The following GJD2 variants were observed in gnomAD, a reference collection of about 807,000 sequenced individuals.
GJD2 encodes gap junction delta-2 protein.
A neutral mutation model predicts 24.3 loss-of-function variants in GJD2; 12 were observed. The observed-to-expected ratio is 0.49, with a 90% CI of 0.32 to 0.80. The LOEUF is 0.80. Ranked by LOEUF, GJD2 falls within the 30% of genes least tolerant of loss-of-function variation. The pLI, the probability that GJD2 is intolerant of heterozygous loss-of-function variation, is 0.04. For synonymous variants in GJD2, 171 were observed against 155.2 expected (o/e 1.10, Z -0.76); for missense variants, 268 against 402.4 (o/e 0.67, Z 2.86).
In GJD2 at chr15:34,753,291, G is replaced by A. The variant is rs1891137713; in HGVS notation, c.153C>T (p.Thr51=). 3 of 1,613,710 alleles carry A rather than the reference G, an allele frequency of 1.9e-6. No individual in the cohort carries two copies. The highest frequency in any genetic ancestry group is 1.1e-5 in the South Asian group (1 of 91,078). The change falls in exon 2 of 2, where the codon ACC becomes ACT. Residue 51 remains threonine (T), a synonymous_variant. Transcript: ENST00000290374. The part of the protein sequence containing the change: ...VGETVYDDEQ[T]MFVCNTLQPG... ...GCTGCAGGGTGTTGCACACAAACAT[G>A]GTCTGCTCATCATCGTACACCGTCT...
chr15:34,754,495 G>A lies in GJD2; in HGVS notation c.-7C>T. The A allele has an allele frequency of 6.2e-7, 1 of 1,612,252 alleles. No individual in the cohort carries two copies. The highest frequency in any genetic ancestry group is 8.5e-7 in the Non-Finnish European group (1 of 1,178,284). On this transcript the variant is annotated 5_prime_UTR_variant, in exon 1 of 2. Transcript: ENST00000290374. This position sits in a 1 kb window ranked among gnomAD's most constrained non-coding sequence, Gnocchi z 5.9. ...AGATGGTCCATTCCCCCATCGCTGTGCATCCGGAGGCAGCAGACAAAGACT... is the reference window on the plus strand; with the variant it reads ...AGATGGTCCATTCCCCCATCGCTGTACATCCGGAGGCAGCAGACAAAGACT...
chr15:34,754,408 G>A lies in GJD2; in HGVS notation c.71+10C>T, dbSNP rs981021833. On this transcript the variant is annotated intron_variant, in intron 1 of 1. Transcript: ENST00000290374. The surrounding 1 kb of genome is among the most constrained non-coding windows in gnomAD (Gnocchi z 5.9). The stretch of plus-strand genomic sequence containing the variant: ...ACGGGGCCCCCTGACCGCCGGCTTG[G>A]CGCCCTTACCTCCCGATCATAGTGG... 3.1e-6 allele frequency: 5 copies of A among 1,612,114 alleles called. No homozygotes were observed. The highest frequency in any genetic ancestry group is 4.2e-6 in the Non-Finnish European group (5 of 1,178,470).
At position 34,752,674 on chromosome 15, in the gene GJD2, A is replaced by G; in HGVS notation, c.770T>C (p.Met257Thr). The G allele has an allele frequency of 1.2e-6, 2 of 1,614,234 alleles. No individual in the cohort carries two copies. The highest frequency in any genetic ancestry group is 1.7e-6 in the Non-Finnish European group (2 of 1,180,038). The change falls in exon 2 of 2, where the codon ATG (methionine) becomes ACG (threonine). Residue 257 changes from methionine to threonine, a missense_variant. Around this residue, in one of 3 missense-constraint regions of GJD2, gnomAD observed 115 missense variants for 195.2 expected, o/e 0.59. Transcript: ENST00000290374. ...AACACAGATGCCACTTACAGCAAAC[A>G]TGAACACTAGAAAGACAGTCTTCTC... is the stretch of plus-strand genomic sequence containing the variant. Reference protein sequence around the residue: ...PTEKTVFLVFMFAVSGICVVL... With the variant: ...PTEKTVFLVFTFAVSGICVVL...
rs1178484995 is a variant in GJD2, at chr15:34,754,758, G to A, written c.-270C>T. 5.4e-6 allele frequency: 2 copies of A among 371,386 alleles called. No individual in the cohort carries two copies. Among genetic ancestry groups the A allele is most frequent in the Non-Finnish European group, 4.9e-6 (1 of 204,506 alleles). 23.0% of individuals were successfully genotyped at this position (371,386 alleles called of 1,614,324 possible). A position where few individuals can be genotyped will look rare whatever the true frequency, so the allele number is the denominator to read the frequency against. Reference sequence around the variant, plus strand: ...AACCTCGGGCGCCGTCCGGGGTTCGGGTCTGGATCCCGCGGACGCCGGGAC... The same window carrying A: ...AACCTCGGGCGCCGTCCGGGGTTCGAGTCTGGATCCCGCGGACGCCGGGAC... On this transcript the variant is annotated 5_prime_UTR_variant, in exon 1 of 2. Transcript: ENST00000290374. This position sits in a 1 kb window ranked among gnomAD's most constrained non-coding sequence, Gnocchi z 5.9.
chr15:34,754,390 C>A lies in GJD2; in HGVS notation c.71+28G>T. ...ACTCCCGGGGGCCGCCCGACGGGGCCCCCTGACCGCCGGCTTGGCGCCCTT... is the reference window on the plus strand; with the variant it reads ...ACTCCCGGGGGCCGCCCGACGGGGCACCCTGACCGCCGGCTTGGCGCCCTT... On this transcript the variant is annotated intron_variant, in intron 1 of 1. Transcript: ENST00000290374. The surrounding 1 kb of genome is among the most constrained non-coding windows in gnomAD (Gnocchi z 5.9). 6.3e-7 allele frequency: 1 copy of A among 1,595,544 alleles called. No individual in the cohort carries two copies. The highest frequency in any genetic ancestry group is 8.6e-7 in the Non-Finnish European group (1 of 1,163,850).
At position 34,752,101 on chromosome 15, in the gene GJD2, A is replaced by G. The variant is rs79846152; in HGVS notation, c.*377T>C. The G allele has an allele frequency of 3.2e-3, 683 of 215,434 alleles. 2 individuals carry two copies. The highest frequency in any genetic ancestry group is 4.3e-3 in the Non-Finnish European group (456 of 106,612). 13.3% of individuals were successfully genotyped at this position (215,434 alleles called of 1,614,324 possible). A position where few individuals can be genotyped will look rare whatever the true frequency, so the allele number is the denominator to read the frequency against. On this transcript the variant is annotated 3_prime_UTR_variant, in exon 2 of 2. Coordinates refer to ENST00000290374, the MANE Select transcript of GJD2 (RefSeq NM_020660.3). ...AAGGGATGGGTTGAGATAGGTCACA[A>G]ATTTTATATCAATGAAGTACTCAAC...
rs1891116126 is a variant in GJD2 at position 34,752,404 on chromosome 15, A to G, written c.*74T>C. The stretch of plus-strand genomic sequence containing the variant: ...GTGAGGGTCACATAAATGAGGGTGG[A>G]TACAGCCACGTCTGAGCAGTCATCT... On this transcript the variant is annotated 3_prime_UTR_variant, in exon 2 of 2. Transcript: ENST00000290374. The G allele has an allele frequency of 1.6e-6, 2 of 1,232,166 alleles. No individual in the cohort carries two copies. Among genetic ancestry groups the G allele is most frequent in the African/African-American group, 3.0e-5 (2 of 67,462 alleles). 76.3% of individuals were successfully genotyped at this position (1,232,166 alleles called of 1,614,324 possible).
At chr15:34,753,629 T>G (rs369185411) in intron 1 of GJD2, among the ~76,000 whole-genome samples, 9 of 152,098 alleles carry the variant, frequency 5.9e-5, no homozygotes, top group East Asian at 1.9e-4. Flanking sequence ...ATAGTCTACT[T>G]GCAACAGATA....
rs1354116514 is a variant in GJD2, at chr15:34,753,050, C to T, written c.394G>A (p.Gly132Ser). ...CGTTTGCCCCCACCACTGCCCCCACCCCCAGTTCCTCCAGGACCTCCTATG... is the reference window on the plus strand; with the variant it reads ...CGTTTGCCCCCACCACTGCCCCCACTCCCAGTTCCTCCAGGACCTCCTATG... ...ESIGGPGGTG[G>S]GGSGGGKRED... Residue 132 changes from glycine (G) to serine (S), a missense_variant, in exon 2 of 2, where the codon GGT becomes AGT. Coordinates refer to ENST00000290374, the MANE Select transcript of GJD2 (RefSeq NM_020660.3). The T allele has an allele frequency of 1.2e-6, 2 of 1,614,026 alleles. No individual in the cohort carries two copies. Among genetic ancestry groups the T allele is most frequent in the South Asian group, 2.2e-5 (2 of 91,076 alleles).
chr15:34,752,723 C>G lies in GJD2; in HGVS notation c.721G>C (p.Glu241Gln), dbSNP rs1378331491. ...TCAGTTGGCCGGGACACATAACATTCCACCTCCTTGATGCAGGGGTAGCGG... is the reference window on the plus strand; with the variant it reads ...TCAGTTGGCCGGGACACATAACATTGCACCTCCTTGATGCAGGGGTAGCGG... Reference protein sequence around the residue: ...CNRYPCIKEVECYVSRPTEKT... With the variant: ...CNRYPCIKEVQCYVSRPTEKT... Residue 241 changes from glutamate (E) to glutamine (Q), a missense_variant, in exon 2 of 2, where the codon GAA becomes CAA. Transcript: ENST00000290374. 6.2e-7 allele frequency: 1 copy of G among 1,614,060 alleles called. No individual in the cohort carries two copies. The highest frequency in any genetic ancestry group is 2.2e-5 in the East Asian group (1 of 44,898).
chr15:34,753,399 A>T, intron 1 of GJD2, 27 bp from the exon 2 acceptor site: 1 of 1,564,296 alleles, frequency 6.4e-7, no homozygotes, highest in Non-Finnish European at 8.7e-7. Flanking sequence ...GGAGGGAGAG[A>T]GGTTCTCACG....
chr15:34,753,222 G>C lies in GJD2; in HGVS notation c.222C>G (p.Ser74=). ...TCTGGAAGACCCAGTAACGTATGTG[G>C]GAGATGGGGAAGGCGCGGTCATAGC... is the stretch of plus-strand genomic sequence containing the variant. ...QACYDRAFPI[S]HIRYWVFQII... Residue 74 remains serine (S), a synonymous_variant, in exon 2 of 2, where the codon TCC becomes TCG. Transcript: ENST00000290374. The C allele has an allele frequency of 6.2e-7, 1 of 1,614,168 alleles. No homozygotes were observed.
chr15:34,754,141 AGCCAGCG>A lies in GJD2; in HGVS notation c.71+270_71+276del, dbSNP rs1891151570. 6.6e-6 allele frequency among the ~76,000 whole-genome samples: 1 copy of A among 152,146 alleles called. No individual in the cohort carries two copies. Among genetic ancestry groups the A allele is most frequent in the African/African-American group, 2.4e-5 (1 of 41,440 alleles). The stretch of plus-strand genomic sequence containing the variant: ...CTGGAGAGTGGAGGGACCAAGACTG[AGCCAGCG>A]GCTCCTTTTCTGATGTGGGAAGAGT... On this transcript the variant is annotated intron_variant, in intron 1 of 1. Coordinates refer to ENST00000290374, the MANE Select transcript of GJD2 (RefSeq NM_020660.3). This position sits in a 1 kb window ranked among gnomAD's most constrained non-coding sequence, Gnocchi z 5.9.
In GJD2 at chr15:34,753,321, C is replaced by G. The variant is rs374903251; in HGVS notation, c.123G>C (p.Val41=). 20 of 1,611,100 alleles carry G rather than the reference C, an allele frequency of 1.2e-5. No individual in the cohort carries two copies. The highest frequency in any genetic ancestry group is 1.1e-4 in the African/African-American group (8 of 74,888). ...VIFRILIVAI[V]GETVYDDEQT... is the part of the protein sequence containing the mutation. ...GCTCATCATCGTACACCGTCTCCCC[C>G]ACAATGGCCACAATGAGGATCCGGA... Residue 41 remains valine (V), a synonymous_variant, in exon 2 of 2, where the codon GTG becomes GTC. Transcript: ENST00000290374.
In GJD2 at chr15:34,754,522, G is replaced by C; in HGVS notation, c.-34C>G. ...ATCCGGAGGCAGCAGACAAAGACTG[G>C]GCAGCACCGGGCACGTTCCCGCTCC... is the stretch of plus-strand genomic sequence containing the variant. On this transcript the variant is annotated 5_prime_UTR_variant, in exon 1 of 2. Coordinates refer to ENST00000290374, the MANE Select transcript of GJD2 (RefSeq NM_020660.3). The surrounding 1 kb of genome is among the most constrained non-coding windows in gnomAD (Gnocchi z 5.9). The C allele has an allele frequency of 6.4e-7, 1 of 1,556,182 alleles. No individual in the cohort carries two copies. Among genetic ancestry groups the C allele is most frequent in the Non-Finnish European group, 8.9e-7 (1 of 1,127,344 alleles).
In GJD2 at chr15:34,752,820, G is replaced by A. The variant is rs1438860285; in HGVS notation, c.624C>T (p.Ala208=). Residue 208 remains alanine, a synonymous_variant, in exon 2 of 2, where the codon GCC becomes GCT. Transcript: ENST00000290374. The part of the protein sequence containing the change: ...FYIIQVVFRN[A]LEIGFLVGQY... ...GGCCAACCAGGAACCCAATTTCCAG[G>A]GCATTTCGGAACACCACTTGGATAA... is the stretch of plus-strand genomic sequence containing the variant. The A allele has an allele frequency of 6.2e-7, 1 of 1,614,094 alleles. No homozygotes were observed. The highest frequency in any genetic ancestry group is 8.5e-7 in the Non-Finnish European group (1 of 1,180,002).
rs899699311 is a variant in GJD2 at position 34,754,336 on chromosome 15, C to G, written c.71+82G>C. 3 of 935,420 alleles carry G rather than the reference C, an allele frequency of 3.2e-6. No homozygotes were observed. In the African/African-American group the frequency reaches 4.9e-5, roughly 15 times the overall value. 57.9% of individuals were successfully genotyped at this position (935,420 alleles called of 1,614,324 possible). A position where few individuals can be genotyped will look rare whatever the true frequency, so the allele number is the denominator to read the frequency against. ...GCAGAGGACGGACTGGGGATTGGAGCGGGAGACTCAGTCCAGGTGTGAGAA... is the reference window on the plus strand; with the variant it reads ...GCAGAGGACGGACTGGGGATTGGAGGGGGAGACTCAGTCCAGGTGTGAGAA... On this transcript the variant is annotated intron_variant, in intron 1 of 1. Transcript: ENST00000290374. This position sits in a 1 kb window ranked among gnomAD's most constrained non-coding sequence, Gnocchi z 5.9.
chr15:34,754,571 C>T lies in GJD2; in HGVS notation c.-83G>A. The T allele has an allele frequency of 2.7e-6, 3 of 1,110,894 alleles. No homozygotes were observed. The highest frequency in any genetic ancestry group is 4.1e-6 in the Non-Finnish European group (3 of 725,318). 68.8% of individuals were successfully genotyped at this position (1,110,894 alleles called of 1,614,324 possible). On this transcript the variant is annotated 5_prime_UTR_variant, in exon 1 of 2. Coordinates refer to ENST00000290374, the MANE Select transcript of GJD2 (RefSeq NM_020660.3). The surrounding 1 kb of genome is among the most constrained non-coding windows in gnomAD (Gnocchi z 5.9). ...CCTGGCCCCTCCCCGGGCCGCACTTCCAGAATGGGAGTGAATTGCCTCCCA... is the reference window on the plus strand; with the variant it reads ...CCTGGCCCCTCCCCGGGCCGCACTTTCAGAATGGGAGTGAATTGCCTCCCA...
In GJD2 at chr15:34,751,599, C is replaced by A. The variant is rs1398410165; in HGVS notation, c.*879G>T. 7.9e-5 allele frequency: 12 copies of A among 151,618 alleles called. No individual in the cohort carries two copies. The highest frequency in any genetic ancestry group is 2.9e-4 in the African/African-American group (12 of 41,342). The allele number at this position is 151,618 out of a possible 1,614,324, so 9.4% of individuals were successfully genotyped here. ...TCAGCTAGACACTCTTGATATTAGC[C>A]AAAAAAAATCTTTTTAATGTTAACC... On this transcript the variant is annotated 3_prime_UTR_variant, in exon 2 of 2. Coordinates refer to ENST00000290374, the MANE Select transcript of GJD2 (RefSeq NM_020660.3).
Sources: allele counts gnomAD v4.1 joint callset (sites outside exome capture counted in the v4.1 genomes callset), GRCh38; gene constraint gnomAD v4.1.1; regional missense constraint gnomAD v4.1.1; non-coding constraint Gnocchi (gnomAD v3.1); transcripts MANE v1.5; gene names NCBI Gene and HGNC (gene_info 2026-07-23, HGNC 2026-07-21).